Variants in USP39 observed in about 807,000 individuals in gnomAD.
USP39 encodes ubiquitin carboxyl-terminal hydrolase 39.
In USP39, 38 loss-of-function variants were observed where a neutral mutation model predicts 66.4. That is an observed-to-expected ratio of 0.57 (90% CI 0.44 to 0.75). USP39 has a LOEUF of 0.75. Among genes scored for constraint, USP39 ranks in the 30% least tolerant of loss-of-function variants. The pLI, the probability that USP39 is intolerant of heterozygous loss-of-function variation, is 0.00. For missense variants in USP39, 608 were observed against 714.4 expected, an observed-to-expected ratio of 0.85 and a Z score of 1.70; for synonymous variants, 303 against 274.6, an observed-to-expected ratio of 1.10 and a Z score of -1.02.
At chr2:85,648,171 G>T (rs1676791467) in intron 12 of USP39, among the ~76,000 whole-genome samples, 155 bp downstream of exon 12, 1 of 152,196 alleles carries the variant, frequency 6.6e-6, no homozygotes, top group Non-Finnish European at 1.5e-5. Flanking sequence ...GGGGCAGAAT[G>T]TATGGCCCTG....
chr2:85,635,924 A>G (rs1217730476), intron 6 of USP39, 129 bp from the exon 7 acceptor site: 1 of 813,918 alleles, frequency 1.2e-6, no homozygotes, highest in Non-Finnish European at 2.2e-6. Flanking sequence ...AGGAGGATGC[A>G]CGGCAGTTGG....
Position 85,625,604 on chromosome 2 carries a change from C to A in USP39, c.636C>A (p.Ser212=). Residue 212 remains serine (S), a synonymous_variant, in exon 5 of 13, where the codon TCC becomes TCA. Transcript: ENST00000323701. ...ACTTGGACAAGCAAGCCAAATTGTC[C>A]CGGGCATATGATGGTACCACTTACC... ...IANLDKQAKL[S]RAYDGTTYLP... 1.9e-6 allele frequency: 3 copies of A among 1,614,056 alleles called. No homozygotes were observed. Among genetic ancestry groups the A allele is most frequent in the Non-Finnish European group, 2.5e-6 (3 of 1,179,980 alleles).
At chr2:85,637,562 C>A in intron 8 of USP39, 126 bp downstream of exon 8, 1 of 968,012 alleles carries the variant, frequency 1.0e-6, no homozygotes. Flanking sequence ...AAAGCACCTG[C>A]CTAGTGGCAG....
chr2:85,626,108 C>T (rs1435002169), intron 5 of USP39, among the ~76,000 whole-genome samples: 3 of 151,938 alleles, frequency 2.0e-5, no homozygotes, highest in Admixed American at 6.6e-5. Flanking sequence ...ACCTGTAATC[C>T]CAGCACTTTG....
intron 5 of USP39, among the ~76,000 whole-genome samples, chr2:85,630,161 C>T (rs1291032343): frequency 2.0e-5 from 3 of 152,034 alleles, no homozygotes; most frequent in South Asian, 4.2e-4. Context: ...TTGTATTGTT[C>T]TTACACCTTT....
chr2:85,614,802 A>G (rs1268161102), upstream of USP39, among the ~76,000 whole-genome samples: 1 of 152,210 alleles, frequency 6.6e-6, no homozygotes, highest in Non-Finnish European at 1.5e-5. Flanking sequence ...TGTTTAGTAA[A>G]CATTATCTCT....
intron 11 of USP39, among the ~76,000 whole-genome samples, chr2:85,646,679 A>G (rs999631090): frequency 6.6e-6 from 1 of 152,192 alleles, no homozygotes; most frequent in Non-Finnish European, 1.5e-5. Flanking sequence ...GGTCTTTGGT[A>G]TTTCTTAGAA....
At chr2:85,643,586 C>T (rs1192112253) in intron 10 of USP39, among the ~76,000 whole-genome samples, 1 of 151,526 alleles carries the variant, frequency 6.6e-6, no homozygotes, top group East Asian at 1.9e-4. Flanking sequence ...AGAAGTCAGC[C>T]TTTAGTAGCA....
At chr2:85,608,834 TG>T (rs994825756), upstream of USP39, 8 of 1,463,864 alleles carry the variant, frequency 5.5e-6, no homozygotes, top group African/African-American at 9.7e-5. Flanking sequence ...GCAGCAGCTC[TG>T]GGGGTCTCAA....
rs760784113 is a variant in USP39 at position 85,640,929 on chromosome 2, C to G, written c.1285-47C>G. 2.3e-5 allele frequency: 36 copies of G among 1,553,370 alleles called. No homozygotes were observed. The Middle Eastern group carries it at 9.1e-4, about 39-fold the overall frequency. On this transcript the variant is annotated intron_variant, in intron 9 of 12. Transcript: ENST00000323701. ...AAAAACTCATGCCCCTGCTCTAATA[C>G]TACTGAACTTCAGCACTAATTTGAG...
At chr2:85,643,526 T>C (rs1057514358) in intron 10 of USP39, among the ~76,000 whole-genome samples, 2 of 151,908 alleles carry the variant, frequency 1.3e-5, no homozygotes, top group East Asian at 3.9e-4. Context: ...CTGATACTCA[T>C]TCAGACAAGT....
At chr2:85,648,321 A>T (rs748488083) in intron 12 of USP39, among the ~76,000 whole-genome samples, 3 of 152,172 alleles carry the variant, frequency 2.0e-5, no homozygotes, top group African/African-American at 7.2e-5. Flanking sequence ...ACCTAGACTC[A>T]TCAGGGAGGC....
At chr2:85,616,070 G>C (rs1214281566), upstream of USP39, 4 of 1,299,914 alleles carry the variant, frequency 3.1e-6, no homozygotes, top group Non-Finnish European at 3.9e-6. Flanking sequence ...TCTGCAGCGT[G>C]ATTTGTCCCC....
At chr2:85,631,477 G>C (rs1675329650) in intron 6 of USP39, among the ~76,000 whole-genome samples, 1 of 152,122 alleles carries the variant, frequency 6.6e-6, no homozygotes, top group South Asian at 2.1e-4. Context: ...ACTGTGCCCA[G>C]CTGCAGTGAA....
chr2:85,629,398 G>T (rs1201858681), intron 5 of USP39, among the ~76,000 whole-genome samples: 1 of 151,978 alleles, frequency 6.6e-6, no homozygotes, highest in Non-Finnish European at 1.5e-5. Flanking sequence ...TGATGAGCCT[G>T]TGTTTCTTCC....
intron 10 of USP39, among the ~76,000 whole-genome samples, chr2:85,643,039 C>T (rs1323322284): frequency 6.7e-6 from 1 of 150,218 alleles, no homozygotes; most frequent in Non-Finnish European, 1.5e-5. Context: ...GAGTTTGAGA[C>T]CTGCCTGGAC....
chr2:85,639,397 CCATTAACACA>C lies in USP39; in HGVS notation c.1284+8_1284+17del. The C allele has an allele frequency of 6.2e-7, 1 of 1,612,506 alleles. No individual in the cohort carries two copies. The highest frequency in any genetic ancestry group is 1.1e-5 in the South Asian group (1 of 91,018). The stretch of plus-strand genomic sequence containing the variant: ...TCAATGGCATCACTGAGAAGGTAGC[CCATTAACACA>C]CCTGCCCTGCCTATACTTACCCTCG... On this transcript the variant is annotated splice_region_variant and intron_variant, in intron 9 of 12. Coordinates refer to ENST00000323701, the MANE Select transcript of USP39 (RefSeq NM_006590.4).
intron 4 of USP39, among the ~76,000 whole-genome samples, chr2:85,624,514 T>G (rs191129227): frequency 6.6e-6 from 1 of 152,140 alleles, no homozygotes; most frequent in Non-Finnish European, 1.5e-5. Context: ...CCAGATACAT[T>G]TTTAAAATTT....
intron 10 of USP39, among the ~76,000 whole-genome samples, chr2:85,641,926 A>AAAG (rs1553458692): frequency 1.8e-5 from 2 of 112,382 alleles, no homozygotes; most frequent in African/African-American, 3.1e-5. Flanking sequence ...AAAAAAAAAA[A>AAAG]AAAGAAAGAA....
Sources: gnomAD v4.1 joint callset for allele counts (sites outside exome capture counted in the v4.1 genomes callset) on GRCh38, gnomAD v4.1.1 for gene constraint, MANE v1.5 for transcripts, NCBI Gene and HGNC (gene_info 2026-07-23, HGNC 2026-07-21) for gene names.